OSBPL6: variants seen among roughly 807,000 people sequenced by gnomAD.
OSBPL6 encodes oxysterol binding protein like 6.
In OSBPL6, 49 loss-of-function variants were observed where a neutral mutation model predicts 125.8. The ratio of observed to expected loss-of-function variants is 0.39; its 90% CI spans 0.31 to 0.49. The LOEUF (loss-of-function observed/expected upper bound fraction) is 0.49, where lower values mean the gene tolerates loss of function less well. Among genes scored for constraint, OSBPL6 ranks in the 20% least tolerant of loss-of-function variants. OSBPL6 has a pLI of 0.88. For synonymous variants in OSBPL6, 394 were observed against 391.8 expected (o/e 1.01, Z -0.07); for missense variants, 986 against 1,135.4 (o/e 0.87, Z 1.89).
At chr2:178,327,091 C>T (rs1363808930) in intron 4 of OSBPL6, among the ~76,000 whole-genome samples, 1 of 148,968 alleles carries the variant, frequency 6.7e-6, no homozygotes, top group Non-Finnish European at 1.5e-5. Context: ...GCACCAAAGT[C>T]TCAGAAATCA....
rs374704169 is a variant in OSBPL6 at position 178,229,141 on chromosome 2, C to T, written c.-351+34467C>T. ...GGTGGCCCCGCCTTATAACAACCCA[C>T]TCTAGTGTTAACTAACCCAGTCTCT... On this transcript the variant is annotated intron_variant, in intron 1 of 24. Transcript: ENST00000190611. 1.9e-4 allele frequency among the ~76,000 whole-genome samples: 29 copies of T among 152,290 alleles called. No individual in the cohort carries two copies. The South Asian group carries it at 6.0e-3, about 32-fold the overall frequency.
intron 1 of OSBPL6, among the ~76,000 whole-genome samples, chr2:178,252,773 G>T (rs1162911667): frequency 6.6e-6 from 1 of 152,138 alleles, no homozygotes; most frequent in Non-Finnish European, 1.5e-5. Flanking sequence ...TTAGATGTCT[G>T]CTGTTCTTTC....
chr2:178,371,611 G>T (rs1193532432), intron 13 of OSBPL6, among the ~76,000 whole-genome samples: 1 of 152,116 alleles, frequency 6.6e-6, no homozygotes, highest in Non-Finnish European at 1.5e-5. Context: ...CCTGGAAAAT[G>T]AAAATACAGA....
intron 4 of OSBPL6, among the ~76,000 whole-genome samples, chr2:178,327,763 C>T (rs971744916): frequency 7.2e-5 from 11 of 152,026 alleles, no homozygotes; most frequent in African/African-American, 2.7e-4. Context: ...CAAACCTCCC[C>T]GAGAGCAGCC....
At chr2:178,267,465 T>C (rs2092271059) in intron 1 of OSBPL6, among the ~76,000 whole-genome samples, 1 of 151,624 alleles carries the variant, frequency 6.6e-6, no homozygotes, top group Non-Finnish European at 1.5e-5. Context: ...ACTCTTAAGC[T>C]CTATTATAGG....
intron 1 of OSBPL6, among the ~76,000 whole-genome samples, chr2:178,225,908 A>G (rs1261580149): frequency 6.6e-6 from 1 of 152,228 alleles, no homozygotes; most frequent in Non-Finnish European, 1.5e-5. Flanking sequence ...GGGTGAGAAC[A>G]CAGAGCCAAA....
intron 11 of OSBPL6, among the ~76,000 whole-genome samples, chr2:178,348,589 A>G (rs1690944191): frequency 6.6e-6 from 1 of 152,214 alleles, no homozygotes; most frequent in Non-Finnish European, 1.5e-5. Flanking sequence ...TTCATGAGCC[A>G]TGTGCATATA....
At chr2:178,374,337 A>G (rs933125117) in intron 15 of OSBPL6, among the ~76,000 whole-genome samples, 1 of 152,222 alleles carries the variant, frequency 6.6e-6, no homozygotes, top group South Asian at 2.1e-4. Flanking sequence ...AGAGCTGTTT[A>G]TAGAAGGAGA....
chr2:178,205,603 G>A (rs1218702333), intron 1 of OSBPL6, among the ~76,000 whole-genome samples: 5 of 152,130 alleles, frequency 3.3e-5, no homozygotes, highest in Admixed American at 1.3e-4. Flanking sequence ...AGACAAATGG[G>A]ACTTTACTGA....
chr2:178,283,235 C>CT (rs1684387346), intron 1 of OSBPL6, among the ~76,000 whole-genome samples: 1 of 152,140 alleles, frequency 6.6e-6, no homozygotes, highest in South Asian at 2.1e-4. Context: ...AGAACAAAAA[C>CT]TTTTGCAGAA....
At position 178,395,464 on chromosome 2, in the gene OSBPL6, G is replaced by A. The variant is rs1695779105; in HGVS notation, c.2710G>A (p.Ala904Thr). The change falls in exon 25 of 25, where the codon GCC (alanine) becomes ACC (threonine). Residue 904 changes from alanine to threonine, a missense_variant. Coordinates refer to ENST00000190611, the MANE Select transcript of OSBPL6 (RefSeq NM_032523.4). The part of the protein sequence containing the change: ...IPKFFKKVID[A>T]NQREAWVSND... ...ATATTTTCACAGAAAAGTTATTGAT[G>A]CCAATCAAAGAGAAGCCTGGGTTTC... 3.1e-6 allele frequency: 5 copies of A among 1,612,926 alleles called. No individual in the cohort carries two copies. In the African/African-American group the frequency reaches 5.3e-5, roughly 17 times the overall value.
At chr2:178,323,412 GT>G (rs1174853427) in intron 3 of OSBPL6, among the ~76,000 whole-genome samples, 1 of 152,092 alleles carries the variant, frequency 6.6e-6, no homozygotes, top group Non-Finnish European at 1.5e-5. Context: ...TTCTCTGTGC[GT>G]TTTTGTAAGA....
intron 19 of OSBPL6, among the ~76,000 whole-genome samples, chr2:178,385,973 G>C (rs1694900849): frequency 6.6e-6 from 1 of 152,192 alleles, no homozygotes. Context: ...ACTCACTGGG[G>C]CTCCAGAGTT....
At chr2:178,273,389 G>A (rs2092409502) in intron 1 of OSBPL6, among the ~76,000 whole-genome samples, 2 of 152,222 alleles carry the variant, frequency 1.3e-5, no homozygotes, top group South Asian at 4.1e-4. Context: ...CACAGTTTGA[G>A]ACCAGCCTGG....
Position 178,332,745 on chromosome 2 carries a change from T to G in OSBPL6, c.477T>G (p.Tyr159Ter). Reference protein sequence around the residue: ...RIDLDTEEHIYHLKVKSQDWF... With the variant: ...RIDLDTEEHI ...ACCTTGACACCGAAGAGCACATCTA[T>G]CATTTGAAGGTGAAATCAGTTTTCA... Residue 159 changes from tyrosine (Y) to a stop codon, truncating the protein, a stop_gained, in exon 7 of 25, where the codon TAT (tyrosine) becomes TAG (stop). Coordinates refer to ENST00000190611, the MANE Select transcript of OSBPL6 (RefSeq NM_032523.4). LOFTEE classifies it high-confidence loss of function. 1 of 1,614,052 alleles carries G rather than the reference T, an allele frequency of 6.2e-7. No individual in the cohort carries two copies. Among genetic ancestry groups the G allele is most frequent in the Non-Finnish European group, 8.5e-7 (1 of 1,179,916 alleles).
intron 1 of OSBPL6, among the ~76,000 whole-genome samples, chr2:178,206,041 T>TTGA (rs2089511054): frequency 6.6e-6 from 1 of 152,226 alleles, no homozygotes; most frequent in Non-Finnish European, 1.5e-5. Context: ...CTACCCAATA[T>TTGA]GCTGATTAAT....
At chr2:178,323,521 T>C (rs1688431378) in intron 3 of OSBPL6, 3 of 152,154 alleles carry the variant, frequency 2.0e-5, no homozygotes, top group African/African-American at 7.2e-5. Context: ...TAGAGTGCAT[T>C]GTGCAATCTT....
At chr2:178,330,650 G>C (rs1689116801) in intron 5 of OSBPL6, among the ~76,000 whole-genome samples, 1 of 152,156 alleles carries the variant, frequency 6.6e-6, no homozygotes. Flanking sequence ...GCGATCCCGA[G>C]GCCTGACTGC....
intron 1 of OSBPL6, among the ~76,000 whole-genome samples, chr2:178,204,025 CTTT>C (rs1166160655): frequency 2.3e-5 from 3 of 128,986 alleles, no homozygotes; most frequent in African/African-American, 2.9e-5. Flanking sequence ...TTTTCTTTTT[CTTT>C]TTTTTTTTTT....
Sources: gnomAD v4.1 joint callset for allele counts (sites outside exome capture counted in the v4.1 genomes callset) on GRCh38, gnomAD v4.1.1 for gene constraint, MANE v1.5 for transcripts, NCBI Gene and HGNC (gene_info 2026-07-23, HGNC 2026-07-21) for gene names.